Variants in STAB1 observed in about 807,000 individuals in gnomAD.
The protein encoded by STAB1 is stabilin 1, also known as stabilin-1.
In STAB1, 250 loss-of-function variants were observed where a neutral mutation model predicts 332.4. The ratio of observed to expected loss-of-function variants is 0.75; its 90% CI spans 0.68 to 0.84. The LOEUF (loss-of-function observed/expected upper bound fraction) is 0.84. STAB1 is among the 40% of genes least tolerant of loss of function. The pLI, the probability that STAB1 is intolerant of heterozygous loss-of-function variation, is 0.00. For synonymous variants in STAB1, 1,475 were observed against 1,390.4 expected (o/e 1.06, Z -1.35); for missense variants, 3,249 against 3,489.7 (o/e 0.93, Z 1.74).
At chr3:52,522,990 C>T in intron 62 of STAB1, 35 bp from the exon 63 acceptor site, 4 of 1,595,842 alleles carry the variant, frequency 2.5e-6, no homozygotes, top group Non-Finnish European at 3.4e-6. Flanking sequence ...CCCTTCCCAC[C>T]AATCTGCTGA....
At chr3:52,516,314 G>A (rs2078863055) in intron 38 of STAB1, 42 bp from the exon 39 acceptor site, 1 of 1,606,150 alleles carries the variant, frequency 6.2e-7, no homozygotes, top group Non-Finnish European at 8.5e-7. Flanking sequence ...GGGACAGGAT[G>A]GAGGCACTGG....
At chr3:52,508,930 C>T (rs973671664) in intron 21 of STAB1, among the ~76,000 whole-genome samples, 4 of 152,002 alleles carry the variant, frequency 2.6e-5, no homozygotes, top group Non-Finnish European at 2.9e-5. Context: ...CTGTTTTTAC[C>T]ACTTTGTAAT....
chr3:52,521,892 G>T lies in STAB1; in HGVS notation c.6212G>T (p.Arg2071Leu), dbSNP rs754940057. 1 of 1,608,226 alleles carries T rather than the reference G, an allele frequency of 6.2e-7. No individual in the cohort carries two copies. The highest frequency in any genetic ancestry group is 1.7e-5 in the Admixed American group (1 of 59,786). Residue 2071 changes from arginine to leucine, a missense_variant, in exon 58 of 69, where the codon CGT becomes CTT. Physicochemically the swap from Arg to Leu is moderately radical, Grantham distance 102 (BLOSUM62 -2). Coordinates refer to ENST00000321725, the MANE Select transcript of STAB1 (RefSeq NM_015136.3). Reference sequence around the variant, plus strand: ...CCCTGTGCACCCGAGGCTGTGTGCCGTGCAGGCAACAGCTGTGAGTGCAGC... The same window carrying T: ...CCCTGTGCACCCGAGGCTGTGTGCCTTGCAGGCAACAGCTGTGAGTGCAGC... ...TPPCAPEAVCRAGNSCECSLG... is the reference protein window; with the variant it reads ...TPPCAPEAVCLAGNSCECSLG...
chr3:52,512,086 C>T (rs531247644), intron 26 of STAB1, among the ~76,000 whole-genome samples: 20 of 152,366 alleles, frequency 1.3e-4, no homozygotes, highest in African/African-American at 3.4e-4. Flanking sequence ...CCTGGGGATA[C>T]GGGCCTCCTG....
chr3:52,508,368 C>T lies in STAB1; in HGVS notation c.2235+9C>T. The T allele has an allele frequency of 5.0e-6, 8 of 1,613,378 alleles. No individual in the cohort carries two copies. Among genetic ancestry groups the T allele is most frequent in the Non-Finnish European group, 6.8e-6 (8 of 1,179,898 alleles). Reference sequence around the variant, plus strand: ...GCTATGGCAAAGGCAATGTGAGTCCCATCCTCTCCTGGGGTGAGGTATGGG... The same window carrying T: ...GCTATGGCAAAGGCAATGTGAGTCCTATCCTCTCCTGGGGTGAGGTATGGG... On this transcript the variant is annotated intron_variant, in intron 21 of 68. Coordinates refer to ENST00000321725, the MANE Select transcript of STAB1 (RefSeq NM_015136.3).
Position 52,517,561 on chromosome 3 carries a change from C to A in STAB1, c.4575C>A (p.Ser1525Arg). ...IPTGPQQVSC[S>R]CREGYSGDGI... ...AAGACTGGGGACAGGTCTCCTGCAG[C>A]TGCCGTGAGGGTTACAGCGGGGATG... The change falls in exon 44 of 69, where the codon AGC (serine) becomes AGA (arginine). Residue 1525 changes from serine to arginine, a missense_variant. Ser to Arg is a moderately radical substitution (Grantham distance 110, BLOSUM62 -1). Transcript: ENST00000321725. 1.2e-6 allele frequency: 2 copies of A among 1,612,810 alleles called. No individual in the cohort carries two copies. Among genetic ancestry groups the A allele is most frequent in the Non-Finnish European group, 1.7e-6 (2 of 1,179,878 alleles).
intron 21 of STAB1, 98 bp downstream of exon 21, chr3:52,508,457 C>T (rs561466441): frequency 1.7e-6 from 2 of 1,160,388 alleles, no homozygotes; most frequent in Non-Finnish European, 2.6e-6. Flanking sequence ...AAGCCTGCCA[C>T]TCTGGCCTTG....
intron 38 of STAB1, 27 bp downstream of exon 38, chr3:52,516,265 G>T: frequency 9.7e-7 from 1 of 1,036,034 alleles, no homozygotes; most frequent in South Asian, 1.3e-5. Flanking sequence ...GGCGGGGGTG[G>T]GCCTCCTGGC....
chr3:52,509,999 G>A lies in STAB1; in HGVS notation c.2477G>A (p.Gly826Glu), dbSNP rs1177168201. 5 of 1,608,820 alleles carry A rather than the reference G, an allele frequency of 3.1e-6. No individual in the cohort carries two copies. Among genetic ancestry groups the A allele is most frequent in the Non-Finnish European group, 4.2e-6 (5 of 1,177,078 alleles). The part of the protein sequence containing the change: ...NESMGDCGPT[G>E]LAQHCHLHAR... ...TCCATGGGGGACTGTGGGCCCACAGGGCTGGCCCAGCACTGCCACCTGCAT... is the reference window on the plus strand; with the variant it reads ...TCCATGGGGGACTGTGGGCCCACAGAGCTGGCCCAGCACTGCCACCTGCAT... The change falls in exon 23 of 69, where the codon GGG becomes GAG. Residue 826 changes from glycine to glutamate, a missense_variant. Physicochemically the swap from Gly to Glu is moderately conservative, Grantham distance 98. Transcript: ENST00000321725.
At chr3:52,504,274 G>A in intron 10 of STAB1, 119 bp downstream of exon 10, 1 of 1,482,882 alleles carries the variant, frequency 6.7e-7, no homozygotes, top group South Asian at 1.3e-5. Flanking sequence ...GGAACAAACA[G>A]GTGGCTGTGG....
At chr3:52,509,139 G>A in intron 21 of STAB1, 71 bp from the exon 22 acceptor site, 1 of 1,385,104 alleles carries the variant, frequency 7.2e-7, no homozygotes, top group South Asian at 1.3e-5. Flanking sequence ...CATGAAAGGA[G>A]GGGGTGTTGG....
At chr3:52,503,681 G>C in intron 8 of STAB1, 91 bp from the exon 9 acceptor site, 1 of 1,581,506 alleles carries the variant, frequency 6.3e-7, no homozygotes, top group Non-Finnish European at 8.6e-7. Flanking sequence ...CCTCTTCAGG[G>C]AGGGGCTGAG....
At chr3:52,498,774 A>ACCTCCTCTACCCTG (rs1708226024) in intron 1 of STAB1, among the ~76,000 whole-genome samples, 1 of 152,194 alleles carries the variant, frequency 6.6e-6, no homozygotes, top group Admixed American at 6.5e-5. Flanking sequence ...ACCTCCTGCC[A>ACCTCCTCTACCCTG]AGCCTCTACC....
chr3:52,515,414 C>T lies in STAB1; in HGVS notation c.3865-9C>T, dbSNP rs368085773. On this transcript the variant is annotated splice_polypyrimidine_tract_variant and intron_variant, in intron 36 of 68. Transcript: ENST00000321725. ...CTGGCTGACCCCTCCTGCCTGTCCC[C>T]GTTTCCAGGACACACCCAGGAAGAG... 4.3e-5 allele frequency: 70 copies of T among 1,612,630 alleles called. 1 individual carries two copies. The highest frequency in any genetic ancestry group is 2.7e-4 in the South Asian group (25 of 91,072).
At chr3:52,512,465 CTT>C in intron 27 of STAB1, 29 bp downstream of exon 27, 1 of 1,610,002 alleles carries the variant, frequency 6.2e-7, no homozygotes, top group Non-Finnish European at 8.5e-7. Flanking sequence ...CGTTTTCTGT[CTT>C]CCCCGTGCTT....
chr3:52,508,117 C>T (rs1290731493), intron 20 of STAB1, 91 bp downstream of exon 20: 2 of 1,403,094 alleles, frequency 1.4e-6, no homozygotes, highest in South Asian at 1.3e-5. Context: ...GGGCTCCCTC[C>T]CTCAGAGGAT....
rs1436101863 is a variant in STAB1, at chr3:52,518,055, G to C, written c.4761+52G>C. On this transcript the variant is annotated intron_variant, in intron 45 of 68. Transcript: ENST00000321725. The stretch of plus-strand genomic sequence containing the variant: ...ATCTGGTCTTGGCTGTGCCCCATGG[G>C]CCTGACCCATGGTCTTGGCAAAGAT... 1.2e-5 allele frequency: 18 copies of C among 1,559,210 alleles called. 1 individual carries two copies. Among genetic ancestry groups the C allele is most frequent in the East Asian group, 2.3e-5 (1 of 44,426 alleles).
intron 11 of STAB1, 54 bp from the exon 12 acceptor site, chr3:52,504,685 G>A: frequency 2.5e-6 from 4 of 1,613,108 alleles, no homozygotes; most frequent in Non-Finnish European, 3.4e-6. Flanking sequence ...GGTAGAGGTG[G>A]TGTGAAGAGG....
chr3:52,511,190 A>AG (rs567795937), intron 25 of STAB1, among the ~76,000 whole-genome samples: 399 of 152,318 alleles, frequency 2.6e-3, no homozygotes, highest in African/African-American at 8.4e-3. Context: ...CTGAGAGCTG[A>AG]GGGGTCTCGC....
Sources: gnomAD v4.1 joint callset for allele counts (sites outside exome capture counted in the v4.1 genomes callset) on GRCh38, gnomAD v4.1.1 for gene constraint, MANE v1.5 for transcripts, NCBI Gene and HGNC (gene_info 2026-07-23, HGNC 2026-07-21) for gene names.